PRSS21: variants seen among roughly 807,000 people sequenced by gnomAD.
The protein encoded by PRSS21 is serine protease 21.
In PRSS21, 40 loss-of-function variants were observed where a neutral mutation model predicts 31.1. The ratio of observed to expected loss-of-function variants is 1.29; its 90% CI spans 1.00 to 1.68. The LOEUF (loss-of-function observed/expected upper bound fraction) is 1.68, where lower values mean the gene tolerates loss of function less well. Among genes scored for constraint, PRSS21 ranks in the 40% most tolerant of loss-of-function variants. The pLI is 0.00. For synonymous variants in PRSS21, 186 were observed against 167.7 expected, an observed-to-expected ratio of 1.11 and a Z score of -0.84; for missense variants, 467 against 412.6, an observed-to-expected ratio of 1.13 and a Z score of -1.14.
Position 2,817,564 on chromosome 16 carries a change from C to T in PRSS21, c.91+108C>T. The T allele has an allele frequency of 7.0e-7, 1 of 1,428,292 alleles. No individual in the cohort carries two copies. The highest frequency in any genetic ancestry group is 1.4e-5 in the South Asian group (1 of 72,460). The allele number at this position is 1,428,292 out of a possible 1,614,324, so 88.5% of individuals were successfully genotyped here. A position where few individuals can be genotyped will look rare whatever the true frequency, so the allele number is the denominator to read the frequency against. On this transcript the variant is annotated intron_variant, in intron 2 of 5. Transcript: ENST00000005995. The surrounding 1 kb of genome is among the most constrained non-coding windows in gnomAD (Gnocchi z 4.2). ...TTTACTGCTCTCTCGCCCCCGCCCC[C>T]GGGATCGAGAACTCTGTTGGCGTGG...
At position 2,817,243 on chromosome 16, in the gene PRSS21, G is replaced by A. The variant is rs1016432400; in HGVS notation, c.-26G>A. 3.4e-6 allele frequency: 5 copies of A among 1,487,938 alleles called. No homozygotes were observed. In the East Asian group the frequency reaches 1.1e-4, roughly 32 times the overall value. The allele number at this position is 1,487,938 out of a possible 1,614,324, so 92.2% of individuals were successfully genotyped here. A position where few individuals can be genotyped will look rare whatever the true frequency, so the allele number is the denominator to read the frequency against. ...GCCCGGCGCGAGAGGAGGCAGAGGG[G>A]GCGTCAGGCCGCGGGAGAGGAGGCC... On this transcript the variant is annotated 5_prime_UTR_variant, in exon 1 of 6. Transcript: ENST00000005995. The surrounding 1 kb of genome is among the most constrained non-coding windows in gnomAD (Gnocchi z 4.2).
rs2069174037 is a variant in PRSS21 at position 2,821,409 on chromosome 16, G to A, written c.749G>A (p.Trp250Ter). 2 of 1,614,110 alleles carry A rather than the reference G, an allele frequency of 1.2e-6. No individual in the cohort carries two copies. Among genetic ancestry groups the A allele is most frequent in the Non-Finnish European group, 8.5e-7 (1 of 1,180,034 alleles). The change falls in exon 6 of 6, where the codon TGG becomes TAG. Residue 250 changes from tryptophan (W) to a stop codon, truncating the protein, a stop_gained. Transcript: ENST00000005995. LOFTEE classifies it low-confidence loss of function (END_TRUNC). ...GPLACNKNGL[W>*]YQIGVVSWGV... ...TTGGCCTGTAACAAGAATGGACTGT[G>A]GTATCAGATTGGAGTCGTGAGCTGG...
rs943743546 is a variant in PRSS21 at position 2,821,250 on chromosome 16, G to A, written c.706-116G>A. ...GAAACGGAGGCTTGGCTGCTGCCAG[G>A]GGGAGGAGGAGGATGTGCACCCAGT... is the stretch of plus-strand genomic sequence containing the variant. On this transcript the variant is annotated intron_variant, in intron 5 of 5. Coordinates refer to ENST00000005995, the MANE Select transcript of PRSS21 (RefSeq NM_006799.4). The A allele has an allele frequency of 7.8e-6, 12 of 1,533,172 alleles. No homozygotes were observed. In the Admixed American group the frequency reaches 1.2e-4, roughly 16 times the overall value. 95.0% of individuals were successfully genotyped at this position (1,533,172 alleles called of 1,614,324 possible). A position where few individuals can be genotyped will look rare whatever the true frequency, so the allele number is the denominator to read the frequency against.
rs566375848 is a variant in PRSS21, at chr16:2,817,281, G to C, written c.13G>C (p.Gly5Arg). MGAR[G>R]ALLLALLLAR... ...GGGAGAGGAGGCCATGGGCGCGCGC[G>C]GGGCGCTGCTGCTGGCGCTGCTGCT... The change falls in exon 1 of 6, where the codon GGG (glycine) becomes CGG (arginine). Residue 5 changes from glycine (G) to arginine (R), a missense_variant. By Grantham distance (125) the Gly-to-Arg change is moderately radical. Coordinates refer to ENST00000005995, the MANE Select transcript of PRSS21 (RefSeq NM_006799.4). The surrounding 1 kb of genome is among the most constrained non-coding windows in gnomAD (Gnocchi z 4.2). 4.9e-4 allele frequency: 750 copies of C among 1,535,962 alleles called. 4 individuals are homozygous for C. In the African/African-American group the frequency reaches 8.6e-3, roughly 18 times the overall value.
chr16:2,821,345 C>G, intron 5 of PRSS21, 21 bp from the exon 6 acceptor site: 1 of 1,613,368 alleles, frequency 6.2e-7, no homozygotes, highest in Non-Finnish European at 8.5e-7. Context: ...CCAGGCTGAC[C>G]TCAGCCCCGC....
chr16:2,819,029 T>C, intron 4 of PRSS21, 60 bp downstream of exon 4: 1 of 1,570,698 alleles, frequency 6.4e-7, no homozygotes, highest in South Asian at 1.2e-5. Flanking sequence ...TTCCCCTGCA[T>C]AGGCACAATA....
At position 2,817,933 on chromosome 16, in the gene PRSS21, G is replaced by A. The variant is rs1490944782; in HGVS notation, c.224G>A (p.Arg75His). 4 of 1,549,326 alleles carry A rather than the reference G, an allele frequency of 2.6e-6. No individual in the cohort carries two copies. The Admixed American group carries it at 5.9e-5, about 23-fold the overall frequency. The change falls in exon 3 of 6, where the codon CGC becomes CAC. Residue 75 changes from arginine to histidine, a missense_variant. Physicochemically the swap from Arg to His is conservative, Grantham distance 29. Transcript: ENST00000005995. This position sits in a 1 kb window ranked among gnomAD's most constrained non-coding sequence, Gnocchi z 4.2. ...TGCGGAGTGAGCCTGCTCAGCCACC[G>A]CTGGGCACTCACGGCGGCGCACTGC... The part of the protein sequence containing the change: ...HVCGVSLLSH[R>H]WALTAAHCFE...
At position 2,817,398 on chromosome 16, in the gene PRSS21, G is replaced by C; in HGVS notation, c.65-32G>C. The C allele has an allele frequency of 6.3e-7, 1 of 1,594,476 alleles. No individual in the cohort carries two copies. Among genetic ancestry groups the C allele is most frequent in the Middle Eastern group, 2.3e-4 (1 of 4,428 alleles). On this transcript the variant is annotated intron_variant, in intron 1 of 5. Coordinates refer to ENST00000005995, the MANE Select transcript of PRSS21 (RefSeq NM_006799.4). The surrounding 1 kb of genome is among the most constrained non-coding windows in gnomAD (Gnocchi z 4.2). Reference sequence around the variant, plus strand: ...AGCGGTGGGGAGGACGGGAGGTGGAGGCCGCGGGGAGTCACTTCTTGTCTC... The same window carrying C: ...AGCGGTGGGGAGGACGGGAGGTGGACGCCGCGGGGAGTCACTTCTTGTCTC...
At chr16:2,818,655 C>A in intron 3 of PRSS21, 22 bp from the exon 4 acceptor site, 1 of 1,609,650 alleles carries the variant, frequency 6.2e-7, no homozygotes, top group Non-Finnish European at 8.5e-7. Flanking sequence ...GGGCCCCTGA[C>A]TGCTCTCTTC....
chr16:2,818,796 T>C lies in PRSS21; in HGVS notation c.377T>C (p.Leu126Pro). 1 of 1,613,702 alleles carries C rather than the reference T, an allele frequency of 6.2e-7. No homozygotes were observed. Among genetic ancestry groups the C allele is most frequent in the Non-Finnish European group, 8.5e-7 (1 of 1,179,548 alleles). Residue 126 changes from leucine to proline, a missense_variant, in exon 4 of 6, where the codon CTG (leucine) becomes CCG (proline). Transcript: ENST00000005995. The stretch of plus-strand genomic sequence containing the variant: ...CGTTACTTCGTATCGAATATCTATC[T>C]GAGCCCTCGCTACCTGGGGAATTCA... The part of the protein sequence containing the change: ...YTRYFVSNIY[L>P]SPRYLGNSPY...
intron 4 of PRSS21, among the ~76,000 whole-genome samples, chr16:2,819,853 G>C (rs996887391): frequency 6.6e-6 from 1 of 152,230 alleles, no homozygotes; most frequent in Non-Finnish European, 1.5e-5. Flanking sequence ...GCCTTAGAGA[G>C]GGTAAGGGAT....
chr16:2,818,069 A>G (rs1596314179), intron 3 of PRSS21, 103 bp downstream of exon 3: 4 of 1,399,068 alleles, frequency 2.9e-6, no homozygotes, highest in East Asian at 2.5e-5. Flanking sequence ...CTTGGGCGTG[A>G]AAGTTGTGCG....
chr16:2,819,712 G>A (rs934985882), intron 4 of PRSS21, among the ~76,000 whole-genome samples: 2 of 152,224 alleles, frequency 1.3e-5, no homozygotes, highest in East Asian at 1.9e-4. Flanking sequence ...AGCCAGGCGC[G>A]GCCTCTCCTC....
intron 5 of PRSS21, 22 bp from the exon 6 acceptor site, chr16:2,821,344 C>T (rs199822011): frequency 4.3e-5 from 70 of 1,613,286 alleles, no homozygotes; most frequent in Non-Finnish European, 7.6e-6. Context: ...CCCAGGCTGA[C>T]CTCAGCCCCG....
Position 2,817,522 on chromosome 16 carries a change from GGGGGTAGA to G in PRSS21, c.91+71_91+78del. The G allele has an allele frequency of 1.8e-6, 2 of 1,139,376 alleles. No homozygotes were observed. Among genetic ancestry groups the G allele is most frequent in the Non-Finnish European group, 1.2e-6 (1 of 839,344 alleles). 70.6% of individuals were successfully genotyped at this position (1,139,376 alleles called of 1,614,324 possible). ...GGCCGAGGTGGACGGGGGGCGGTGAGGGGGTAGAGGGGGGCCTTTACTGCTCTCTCGCC... is the reference window on the plus strand; with the variant it reads ...GGCCGAGGTGGACGGGGGGCGGTGAGGGGGGGCCTTTACTGCTCTCTCGCC... On this transcript the variant is annotated intron_variant, in intron 2 of 5. Transcript: ENST00000005995. The surrounding 1 kb of genome is among the most constrained non-coding windows in gnomAD (Gnocchi z 4.2).
At chr16:2,820,649 G>A (rs1049378308) in intron 4 of PRSS21, among the ~76,000 whole-genome samples, 2 of 152,160 alleles carry the variant, frequency 1.3e-5, no homozygotes, top group Non-Finnish European at 2.9e-5. Flanking sequence ...AGCTGCCTTC[G>A]CCCCTCCCTC....
chr16:2,818,280 C>G (rs2074909), intron 3 of PRSS21, among the ~76,000 whole-genome samples: 6,767 of 152,264 alleles, frequency 0.044, 375 homozygotes, highest in African/African-American at 0.12. Flanking sequence ...CACCCTCATC[C>G]CCCCTCCTGG....
intron 4 of PRSS21, among the ~76,000 whole-genome samples, chr16:2,820,339 C>T (rs1160306673): frequency 1.3e-5 from 2 of 152,216 alleles, no homozygotes; most frequent in Non-Finnish European, 2.9e-5. Context: ...TCATCCTCTG[C>T]AGGACAAGGT....
rs2069098242 is a variant in PRSS21 at position 2,817,604 on chromosome 16, A to T, written c.91+148A>T. On this transcript the variant is annotated intron_variant, in intron 2 of 5. Transcript: ENST00000005995. The surrounding 1 kb of genome is among the most constrained non-coding windows in gnomAD (Gnocchi z 4.2). ...TGTTGGCGTGGAAAGTAACTAACGGACGCTGGAGGGGGATGGGCGGGCCCT... is the reference window on the plus strand; with the variant it reads ...TGTTGGCGTGGAAAGTAACTAACGGTCGCTGGAGGGGGATGGGCGGGCCCT... The T allele has an allele frequency of 4.5e-6, 6 of 1,326,662 alleles. No individual in the cohort carries two copies. Among genetic ancestry groups the T allele is most frequent in the Non-Finnish European group, 6.1e-6 (6 of 988,268 alleles). 82.2% of individuals were successfully genotyped at this position (1,326,662 alleles called of 1,614,324 possible).
Sources: allele counts gnomAD v4.1 joint callset (sites outside exome capture counted in the v4.1 genomes callset), GRCh38; gene constraint gnomAD v4.1.1; non-coding constraint Gnocchi (gnomAD v3.1); transcripts MANE v1.5; gene names NCBI Gene and HGNC (gene_info 2026-07-23, HGNC 2026-07-21).